The following USH2A variants were observed in gnomAD, a reference collection of about 807,000 sequenced individuals.
USH2A encodes usherin.
USH2A carries 443 observed loss-of-function variants against 538.9 expected under a neutral mutation model. The ratio of observed to expected loss-of-function variants is 0.82; its 90% CI spans 0.76 to 0.89. The LOEUF is 0.89. USH2A is among the 40% of genes least tolerant of loss of function. The pLI is 0.00. For missense variants in USH2A, 6,633 were observed against 6,324.8 expected (o/e 1.05, Z -1.65); for synonymous variants, 2,413 against 2,273.5 (o/e 1.06, Z -1.75).
At chr1:215,972,385 G>T (rs963206635) in intron 35 of USH2A, among the ~76,000 whole-genome samples, 1 of 152,104 alleles carries the variant, frequency 6.6e-6, no homozygotes, top group African/African-American at 2.4e-5. Context: ...TTGGGGCAGC[G>T]TCCCATAATG....
intron 13 of USH2A, among the ~76,000 whole-genome samples, chr1:216,244,128 A>G: frequency 6.6e-6 from 1 of 152,182 alleles, no homozygotes; most frequent in East Asian, 1.9e-4. Flanking sequence ...TTGAGTAGTA[A>G]AACTAGTCAG....
At chr1:215,856,814 G>T (rs1217972038) in intron 44 of USH2A, among the ~76,000 whole-genome samples, 1 of 150,502 alleles carries the variant, frequency 6.6e-6, no homozygotes, top group African/African-American at 2.5e-5. Context: ...ATCAATCAAT[G>T]AGTGGATAAA....
At chr1:215,721,678 C>T (rs1433994530) in intron 61 of USH2A, among the ~76,000 whole-genome samples, 1 of 151,992 alleles carries the variant, frequency 6.6e-6, no homozygotes, top group Non-Finnish European at 1.5e-5. Flanking sequence ...GTCTGAAAGT[C>T]TAATTTGTCT....
chr1:215,931,382 T>C (rs1666358770), intron 38 of USH2A, among the ~76,000 whole-genome samples: 1 of 151,946 alleles, frequency 6.6e-6, no homozygotes, highest in Admixed American at 6.6e-5. Flanking sequence ...CCTTTCCAAA[T>C]TACTATCTAA....
chr1:216,416,602 T>C (rs1228587512), intron 3 of USH2A, among the ~76,000 whole-genome samples: 1 of 152,164 alleles, frequency 6.6e-6, no homozygotes, highest in Non-Finnish European at 1.5e-5. Flanking sequence ...TGAAGAAATT[T>C]TGCCTAAACT....
At chr1:215,726,359 T>C (rs1400869267) in intron 61 of USH2A, among the ~76,000 whole-genome samples, 1 of 152,194 alleles carries the variant, frequency 6.6e-6, no homozygotes, top group Non-Finnish European at 1.5e-5. Context: ...AAAAATATAG[T>C]ACTAATTCTG....
chr1:216,191,870 A>G (rs1017523676), intron 19 of USH2A, among the ~76,000 whole-genome samples: 6 of 151,886 alleles, frequency 4.0e-5, no homozygotes, highest in Non-Finnish European at 8.8e-5. Flanking sequence ...ACCCACGATG[A>G]AATAAAATAA....
intron 64 of USH2A, among the ~76,000 whole-genome samples, chr1:215,662,584 GC>G (rs1657474965): frequency 6.6e-6 from 1 of 152,194 alleles, no homozygotes; most frequent in Non-Finnish European, 1.5e-5. Context: ...AAGGCTCGAT[GC>G]AAAAAATGAT....
chr1:215,968,330 T>G (rs1049112535), intron 36 of USH2A, among the ~76,000 whole-genome samples: 12 of 151,466 alleles, frequency 7.9e-5, no homozygotes, highest in East Asian at 3.9e-4. Flanking sequence ...TCATTGTGGG[T>G]TTTTTTTGTT....
At chr1:216,140,143 A>G (rs643416) in intron 21 of USH2A, among the ~76,000 whole-genome samples, 120,393 of 152,108 alleles carry the variant, frequency 0.79, 47,740 homozygotes, top group Non-Finnish European at 0.8. Context: ...GAGTACTTTT[A>G]TAATATTTTT....
chr1:215,816,856 A>T (rs1304574070), intron 48 of USH2A, 141 bp downstream of exon 48: 10 of 899,598 alleles, frequency 1.1e-5, no homozygotes, highest in Non-Finnish European at 1.7e-5. Context: ...TTTTGTAAGC[A>T]TCCTTTCTTT....
At chr1:215,691,172 G>A (rs572009302) in intron 61 of USH2A, among the ~76,000 whole-genome samples, 1 of 151,878 alleles carries the variant, frequency 6.6e-6, no homozygotes, top group Non-Finnish European at 1.5e-5. Flanking sequence ...GTGAGCCACC[G>A]TGCCCAGCCA....
intron 38 of USH2A, among the ~76,000 whole-genome samples, chr1:215,930,586 C>T (rs1310445670): frequency 6.6e-6 from 1 of 151,966 alleles, no homozygotes; most frequent in Admixed American, 6.6e-5. Context: ...CTGGTGCTTC[C>T]ATCATTTAAC....
In USH2A at chr1:215,793,897, G is replaced by A. The variant is rs187311456; in HGVS notation, c.9959-3615C>T. On this transcript the variant is annotated intron_variant, in intron 50 of 71. Transcript: ENST00000307340. ...ATAGAAAAATCTGTCCTCTTTGAAT[G>A]AAACGGAGGTTTTAATTTTTCACCT... is the stretch of plus-strand genomic sequence containing the variant. Among the ~76,000 whole-genome samples the A allele has an allele frequency of 4.4e-3, 677 of 152,282 alleles. 3 individuals carry two copies. The highest frequency in any genetic ancestry group is 6.6e-3 in the Non-Finnish European group (449 of 68,010).
chr1:216,377,088 T>G (rs755236997), intron 3 of USH2A, among the ~76,000 whole-genome samples: 2 of 152,202 alleles, frequency 1.3e-5, no homozygotes, highest in African/African-American at 2.4e-5. Context: ...GCAAAATTTA[T>G]TAAAAATATG....
chr1:215,847,647 G>GAA (rs751187801), intron 44 of USH2A, among the ~76,000 whole-genome samples: 11 of 133,058 alleles, frequency 8.3e-5, no homozygotes, highest in Non-Finnish European at 1.1e-4. Context: ...CATGTCTCAG[G>GAA]AAAAAAAAAA....
intron 67 of USH2A, among the ~76,000 whole-genome samples, chr1:215,645,893 A>AT (rs1656835943): frequency 6.6e-6 from 1 of 152,050 alleles, no homozygotes; most frequent in Non-Finnish European, 1.5e-5. Flanking sequence ...GTTCACAAAG[A>AT]TTTTTTCATC....
At position 215,993,677 on chromosome 1, in the gene USH2A, T is replaced by A. The variant is rs557919690; in HGVS notation, c.6658-510A>T. 5.8e-4 allele frequency among the ~76,000 whole-genome samples: 88 copies of A among 152,352 alleles called. No individual in the cohort carries two copies. The South Asian group carries it at 8.9e-3, about 15-fold the overall frequency. ...TTCTACAGTGTGACCAATATGTTTA[T>A]AGCATAACACCAAATAAAATTAAAT... On this transcript the variant is annotated intron_variant, in intron 34 of 71. Transcript: ENST00000307340.
chr1:215,951,638 A>G (rs1354261807), intron 37 of USH2A, among the ~76,000 whole-genome samples: 4 of 151,894 alleles, frequency 2.6e-5, no homozygotes, highest in Non-Finnish European at 5.9e-5. Context: ...TGATCTGTCT[A>G]ATGTTGACAG....
Sources: gnomAD v4.1 joint callset for allele counts (sites outside exome capture counted in the v4.1 genomes callset) on GRCh38, gnomAD v4.1.1 for gene constraint, MANE v1.5 for transcripts, NCBI Gene and HGNC (gene_info 2026-07-23, HGNC 2026-07-21) for gene names.